SLIT3: variants seen among roughly 807,000 people sequenced by gnomAD.
SLIT3 encodes slit guidance ligand 3.
SLIT3 carries 68 observed loss-of-function variants against 184.0 expected under a neutral mutation model. The observed-to-expected ratio is 0.37, with a 90% CI of 0.30 to 0.45. SLIT3 has a LOEUF of 0.45. SLIT3 is among the 20% of genes least tolerant of loss of function. The pLI is 1.00. For synonymous variants in SLIT3, 831 were observed against 828.6 expected, an observed-to-expected ratio of 1.00 and a Z score of -0.05; for missense variants, 1,707 against 2,026.0, an observed-to-expected ratio of 0.84 and a Z score of 3.02.
intron 20 of SLIT3, among the ~76,000 whole-genome samples, chr5:168,746,710 TG>T (rs1754448966): frequency 9.8e-6 from 1 of 102,334 alleles, no homozygotes; most frequent in Non-Finnish European, 2.0e-5. Flanking sequence ...TGGTGGTGTG[TG>T]GTGTGGGTGT....
Position 168,748,286 on chromosome 5 carries a change from A to G in SLIT3, c.2270+16T>C, listed in dbSNP as rs3822657. The G allele has an allele frequency of 0.17, 244,705 of 1,454,680 alleles. 22,240 individuals carry two copies. The highest frequency in any genetic ancestry group is 0.33 in the East Asian group (11,829 of 36,278). The allele number at this position is 1,454,680 out of a possible 1,614,324, so 90.1% of individuals were successfully genotyped here. The stretch of plus-strand genomic sequence containing the variant: ...GTGAGATGACAGGGTGCTTGGAGGC[A>G]GCTGGGGGTACTTACAGCTCGGTCA... On this transcript the variant is annotated intron_variant, in intron 20 of 35. Coordinates refer to ENST00000519560, the MANE Select transcript of SLIT3 (RefSeq NM_003062.4).
rs187776203 is a variant in SLIT3 at position 169,218,189 on chromosome 5, C to T, written c.342-24639G>A. Among the ~76,000 whole-genome samples, 48 of 152,296 alleles carry T rather than the reference C, an allele frequency of 3.2e-4. No individual in the cohort carries two copies. The East Asian group carries it at 6.0e-3, about 19-fold the overall frequency. On this transcript the variant is annotated intron_variant, in intron 3 of 35. Transcript: ENST00000519560. ...TGCTTACTGTATGTCCTTCAAATGTCCCCATATTCTTTTGAGTCACTTCAG... is the reference window on the plus strand; with the variant it reads ...TGCTTACTGTATGTCCTTCAAATGTTCCCATATTCTTTTGAGTCACTTCAG...
At chr5:169,047,951 C>G (rs754953664) in intron 4 of SLIT3, among the ~76,000 whole-genome samples, 1 of 151,882 alleles carries the variant, frequency 6.6e-6, no homozygotes, top group Non-Finnish European at 1.5e-5. Flanking sequence ...GTGCCACAAG[C>G]ATCGATTAGA....
chr5:169,223,192 G>C (rs978902), intron 3 of SLIT3, among the ~76,000 whole-genome samples: 3 of 152,004 alleles, frequency 2.0e-5, no homozygotes, highest in African/African-American at 7.2e-5. Context: ...ACCATGTGCC[G>C]GGATGAGAAA....
At chr5:168,766,235 G>C (rs1755341338) in intron 14 of SLIT3, among the ~76,000 whole-genome samples, 1 of 152,182 alleles carries the variant, frequency 6.6e-6, no homozygotes, top group Non-Finnish European at 1.5e-5. Flanking sequence ...CATGTTTCCA[G>C]AGCTCTCCTC....
intron 11 of SLIT3, among the ~76,000 whole-genome samples, chr5:168,787,541 T>C (rs759752256): frequency 7.2e-5 from 11 of 152,210 alleles, no homozygotes; most frequent in Non-Finnish European, 1.5e-5. Flanking sequence ...AATATTTTAG[T>C]TAATGTTTTA....
intron 4 of SLIT3, among the ~76,000 whole-genome samples, chr5:169,191,682 A>G (rs1763555913): frequency 6.6e-6 from 1 of 152,188 alleles, no homozygotes; most frequent in African/African-American, 2.4e-5. Flanking sequence ...GGCAGAGGAC[A>G]TAACTCATAG....
At chr5:168,887,126 G>GCT (rs1275828990) in intron 4 of SLIT3, among the ~76,000 whole-genome samples, 1 of 151,938 alleles carries the variant, frequency 6.6e-6, no homozygotes, top group Non-Finnish European at 1.5e-5. Context: ...GCTTCCTGGG[G>GCT]CTCTCCCTGC....
At chr5:169,257,848 C>A (rs916786451) in intron 1 of SLIT3, among the ~76,000 whole-genome samples, 1 of 152,054 alleles carries the variant, frequency 6.6e-6, no homozygotes. Context: ...AGCCACCATG[C>A]CCAGCCTTCC....
At chr5:168,924,117 C>T (rs190489775) in intron 4 of SLIT3, among the ~76,000 whole-genome samples, 216 of 152,336 alleles carry the variant, frequency 1.4e-3, no homozygotes, top group African/African-American at 4.9e-3. Flanking sequence ...TGATCTGACC[C>T]GTCTGCTTCT....
At chr5:168,894,650 G>A (rs954890052) in intron 4 of SLIT3, among the ~76,000 whole-genome samples, 1 of 152,330 alleles carries the variant, frequency 6.6e-6, no homozygotes, top group Middle Eastern at 3.4e-3. Context: ...GGAATGAGCA[G>A]TTACAGTGGG....
intron 5 of SLIT3, among the ~76,000 whole-genome samples, chr5:168,846,963 T>C (rs1312550880): frequency 5.9e-5 from 9 of 152,106 alleles, no homozygotes; most frequent in African/African-American, 1.9e-4. Flanking sequence ...TGAGGGGAGA[T>C]AGCCAAAAGA....
chr5:169,240,608 G>C (rs7702942), intron 3 of SLIT3, among the ~76,000 whole-genome samples: 3,300 of 89,038 alleles, frequency 0.037, 75 homozygotes, highest in South Asian at 0.18. Context: ...TTACTTTCAA[G>C]TTTTCTCTAT....
intron 10 of SLIT3, among the ~76,000 whole-genome samples, chr5:168,792,604 A>G (rs78257539): frequency 0.012 from 1,821 of 152,298 alleles, 18 homozygotes; most frequent in Middle Eastern, 0.031. Context: ...AGATATTAGG[A>G]AGTCCTGGAG....
chr5:168,970,593 G>C (rs941397133), intron 4 of SLIT3, among the ~76,000 whole-genome samples: 1 of 152,046 alleles, frequency 6.6e-6, no homozygotes, highest in African/African-American at 2.4e-5. Flanking sequence ...TTGTGCAGGA[G>C]TCCAGCACTG....
chr5:169,231,585 C>T (rs1246420553), intron 3 of SLIT3, among the ~76,000 whole-genome samples: 4 of 152,168 alleles, frequency 2.6e-5, no homozygotes, highest in African/African-American at 9.7e-5. Flanking sequence ...TACATGAATA[C>T]ACCACAGTCT....
At chr5:168,999,559 G>C (rs1279859436) in intron 4 of SLIT3, among the ~76,000 whole-genome samples, 1 of 152,108 alleles carries the variant, frequency 6.6e-6, no homozygotes, top group African/African-American at 2.4e-5. Flanking sequence ...GGGCTCCATT[G>C]CTGATGAACT....
chr5:168,972,887 T>C (rs914939809), intron 4 of SLIT3, among the ~76,000 whole-genome samples: 3 of 152,206 alleles, frequency 2.0e-5, no homozygotes, highest in Non-Finnish European at 4.4e-5. Flanking sequence ...TCCCCAGTCC[T>C]TCCGTCCCCC....
chr5:169,000,051 A>G (rs1045319616), intron 4 of SLIT3, among the ~76,000 whole-genome samples: 7 of 152,106 alleles, frequency 4.6e-5, no homozygotes, highest in Non-Finnish European at 8.8e-5. Context: ...CTCAACAAAT[A>G]CTGCGATCAT....
Sources: allele counts gnomAD v4.1 joint callset (sites outside exome capture counted in the v4.1 genomes callset), GRCh38; gene constraint gnomAD v4.1.1; transcripts MANE v1.5; gene names NCBI Gene and HGNC (gene_info 2026-07-23, HGNC 2026-07-21).